The following NMNAT3 variants were observed in gnomAD, a reference collection of about 807,000 sequenced individuals.
The protein encoded by NMNAT3 is nicotinamide nucleotide adenylyltransferase 3, also known as nicotinamide/nicotinic acid mononucleotide adenylyltransferase 3.
NMNAT3 carries 21 observed loss-of-function variants against 24.8 expected under a neutral mutation model. The observed-to-expected ratio is 0.85, with a 90% CI of 0.60 to 1.22. NMNAT3 has a LOEUF of 1.22. Among genes scored for constraint, NMNAT3 ranks in the 50% most tolerant of loss-of-function variants. The probability of loss-of-function intolerance (pLI) is 0.00; values close to 1 mark genes in which losing one functional copy is unlikely to be tolerated. For synonymous variants in NMNAT3, 136 were observed against 155.2 expected, an observed-to-expected ratio of 0.88 and a Z score of 0.92; for missense variants, 387 against 436.6, an observed-to-expected ratio of 0.89 and a Z score of 1.01.
At chr3:139,578,747 T>A in intron 5 of NMNAT3, 125 bp downstream of exon 5, 4 of 762,512 alleles carry the variant, frequency 5.2e-6, no homozygotes, top group Non-Finnish European at 8.1e-6. Context: ...AACTGCTTCT[T>A]GGATATTTGC....
chr3:139,601,500 A>C (rs796286004), intron 3 of NMNAT3, among the ~76,000 whole-genome samples: 9 of 152,364 alleles, frequency 5.9e-5, no homozygotes, highest in African/African-American at 2.2e-4. Flanking sequence ...CACACTAGAA[A>C]TATCAGTAGA....
rs946735551 is a variant in NMNAT3, at chr3:139,627,316, G to A, written c.109+300C>T. ...TGTAGGTAGATGTTGGGAGTACCAG[G>A]AAGGATGCCCTGATTGTGGCACAGG... On this transcript the variant is annotated intron_variant, in intron 3 of 6. Coordinates refer to ENST00000643695, the MANE Select transcript of NMNAT3 (RefSeq NM_001320510.2). Among the ~76,000 whole-genome samples, 4 of 152,110 alleles carry A rather than the reference G, an allele frequency of 2.6e-5. No individual in the cohort carries two copies. In the South Asian group the frequency reaches 6.2e-4, roughly 24 times the overall value.
intron 1 of NMNAT3, among the ~76,000 whole-genome samples, chr3:139,647,542 T>G (rs2056910044): frequency 6.6e-6 from 1 of 151,822 alleles, no homozygotes; most frequent in African/African-American, 2.4e-5. Flanking sequence ...GAAGAGGGAG[T>G]GCTAAATGCA....
intron 3 of NMNAT3, among the ~76,000 whole-genome samples, chr3:139,619,313 A>G (rs146971932): frequency 1.4e-4 from 22 of 152,344 alleles, no homozygotes; most frequent in Middle Eastern, 6.8e-3. Flanking sequence ...AAAATGACCA[A>G]GTACTTTCCA....
At chr3:139,653,169 A>C (rs898037755) in intron 1 of NMNAT3, among the ~76,000 whole-genome samples, 2 of 152,130 alleles carry the variant, frequency 1.3e-5, no homozygotes, top group Non-Finnish European at 2.9e-5. Flanking sequence ...TGCCTACTCC[A>C]TTTTATAAAA....
chr3:139,587,851 C>T (rs2054002619), intron 3 of NMNAT3, among the ~76,000 whole-genome samples: 1 of 152,150 alleles, frequency 6.6e-6, no homozygotes, highest in African/African-American at 2.4e-5. Flanking sequence ...GAGCAATTTA[C>T]ATACATTTAA....
At chr3:139,663,879 G>A (rs1287019886) in intron 1 of NMNAT3, among the ~76,000 whole-genome samples, 1 of 152,162 alleles carries the variant, frequency 6.6e-6, no homozygotes, top group Non-Finnish European at 1.5e-5. Context: ...GTTCTGGGAA[G>A]CTTGGAAACA....
chr3:139,595,634 G>C (rs1220974689), intron 3 of NMNAT3, among the ~76,000 whole-genome samples: 39 of 152,138 alleles, frequency 2.6e-4, no homozygotes, highest in African/African-American at 8.0e-4. Flanking sequence ...TGGAACGGAA[G>C]AGAGCCCTCA....
At chr3:139,606,323 G>C (rs2054942205) in intron 3 of NMNAT3, among the ~76,000 whole-genome samples, 1 of 152,162 alleles carries the variant, frequency 6.6e-6, no homozygotes, top group East Asian at 1.9e-4. Flanking sequence ...ACATCCCTCA[G>C]TTTGGTTGGT....
intron 1 of NMNAT3, among the ~76,000 whole-genome samples, chr3:139,667,399 G>A (rs1460857933): frequency 1.3e-5 from 2 of 152,170 alleles, no homozygotes; most frequent in East Asian, 1.9e-4. Flanking sequence ...CCATTTGCAT[G>A]TCTTGTTTTG....
chr3:139,575,900 T>A (rs1458400178), intron 5 of NMNAT3: 10 of 1,281,944 alleles, frequency 7.8e-6, no homozygotes, highest in Admixed American at 2.4e-5. Flanking sequence ...AAGATGGCCA[T>A]AAGCATGGCT....
At chr3:139,677,253 T>C (rs918515174) in intron 1 of NMNAT3, among the ~76,000 whole-genome samples, 1 of 152,188 alleles carries the variant, frequency 6.6e-6, no homozygotes, top group African/African-American at 2.4e-5. Flanking sequence ...AGATATCCAT[T>C]TGCTGTCGGT....
At chr3:139,674,081 T>C (rs577585462) in intron 1 of NMNAT3, among the ~76,000 whole-genome samples, 1 of 152,168 alleles carries the variant, frequency 6.6e-6, no homozygotes, top group Non-Finnish European at 1.5e-5. Context: ...AGACCAGGAT[T>C]TCACTGGGCA....
intron 3 of NMNAT3, among the ~76,000 whole-genome samples, chr3:139,610,677 T>C (rs1282548036): frequency 6.6e-6 from 1 of 152,206 alleles, no homozygotes; most frequent in Non-Finnish European, 1.5e-5. Flanking sequence ...CTCATGCTCT[T>C]GTGGTATCTC....
chr3:139,616,716 A>G (rs2055519847), intron 3 of NMNAT3, among the ~76,000 whole-genome samples: 1 of 152,072 alleles, frequency 6.6e-6, no homozygotes, highest in African/African-American at 2.4e-5. Context: ...CCCTCTCATC[A>G]AAAATATTGC....
intron 1 of NMNAT3, among the ~76,000 whole-genome samples, chr3:139,640,857 C>G (rs1218238511): frequency 6.6e-6 from 1 of 152,242 alleles, no homozygotes; most frequent in Non-Finnish European, 1.5e-5. Context: ...AAGCAGATAA[C>G]TGCAAATCTA....
At chr3:139,653,823 C>T (rs999054860) in intron 1 of NMNAT3, among the ~76,000 whole-genome samples, 3 of 152,190 alleles carry the variant, frequency 2.0e-5, no homozygotes, top group Admixed American at 6.5e-5. Flanking sequence ...GTCAGCAACA[C>T]GTTGTAACTC....
intron 1 of NMNAT3, among the ~76,000 whole-genome samples, chr3:139,667,384 G>C (rs1171221525): frequency 6.6e-6 from 1 of 152,132 alleles, no homozygotes; most frequent in African/African-American, 2.4e-5. Context: ...TCATGTGTCT[G>C]TTGGCCATTT....
intron 6 of NMNAT3, among the ~76,000 whole-genome samples, chr3:139,563,793 C>G (rs1360030027): frequency 6.6e-6 from 1 of 152,154 alleles, no homozygotes; most frequent in Non-Finnish European, 1.5e-5. Flanking sequence ...AATTTTTAGA[C>G]CGAGTGACTC....
Sources: gnomAD v4.1 joint callset for allele counts (sites outside exome capture counted in the v4.1 genomes callset) on GRCh38, gnomAD v4.1.1 for gene constraint, MANE v1.5 for transcripts, NCBI Gene and HGNC (gene_info 2026-07-23, HGNC 2026-07-21) for gene names.